Variants in SLC28A1 observed in about 807,000 individuals in gnomAD.
SLC28A1 encodes the protein solute carrier family 28 member 1.
In SLC28A1, 64 loss-of-function variants were observed where a neutral mutation model predicts 74.8. The ratio of observed to expected loss-of-function variants is 0.86; its 90% CI spans 0.70 to 1.05. The LOEUF is 1.05. Among genes scored for constraint, SLC28A1 ranks in the 50% least tolerant of loss-of-function variants. The probability of loss-of-function intolerance (pLI) is 0.00; values close to 1 mark genes in which losing one functional copy is unlikely to be tolerated. For synonymous variants in SLC28A1, 359 were observed against 335.0 expected, an observed-to-expected ratio of 1.07 and a Z score of -0.78; for missense variants, 828 against 822.8, an observed-to-expected ratio of 1.01 and a Z score of -0.08.
intron 3 of SLC28A1, among the ~76,000 whole-genome samples, chr15:84,888,215 T>G (rs944805978): frequency 1.3e-5 from 2 of 151,978 alleles, no homozygotes; most frequent in African/African-American, 4.8e-5. Flanking sequence ...TAAGGAAATC[T>G]CAGCCTTCAA....
In SLC28A1 at chr15:84,944,549, C is replaced by T. The variant is rs1163980840; in HGVS notation, c.1664-17C>T. The stretch of plus-strand genomic sequence containing the variant: ...GACACAGCTTCCCAGGCCCTGAGCA[C>T]TTCTGTCCCCTTGCAGCCTCCATGG... On this transcript the variant is annotated splice_polypyrimidine_tract_variant and intron_variant, in intron 16 of 18. Transcript: ENST00000394573. 6.3e-7 allele frequency: 1 copy of T among 1,588,888 alleles called. No homozygotes were observed. Among genetic ancestry groups the T allele is most frequent in the Non-Finnish European group, 8.6e-7 (1 of 1,157,504 alleles).
chr15:84,899,251 C>T (rs1318431458), intron 6 of SLC28A1, among the ~76,000 whole-genome samples: 4 of 151,958 alleles, frequency 2.6e-5, no homozygotes, highest in Non-Finnish European at 5.9e-5. Flanking sequence ...AAGACAAAAC[C>T]TGAAAAAATT....
chr15:84,901,904 T>G (rs982164146), intron 6 of SLC28A1, among the ~76,000 whole-genome samples: 1 of 152,242 alleles, frequency 6.6e-6, no homozygotes, highest in Non-Finnish European at 1.5e-5. Context: ...CACATGAAGT[T>G]TTGAATGTTC....
chr15:84,918,178 G>C (rs1969367915), intron 9 of SLC28A1, among the ~76,000 whole-genome samples: 1 of 152,070 alleles, frequency 6.6e-6, no homozygotes, highest in South Asian at 2.1e-4. Context: ...TCAGATGTGG[G>C]CATTTTACTC....
the SLC28A1 span, among the ~76,000 whole-genome samples, chr15:84,966,973 G>T: frequency 6.6e-6 from 1 of 151,738 alleles, no homozygotes; most frequent in Non-Finnish European, 1.5e-5. Context: ...GAGATGGGGG[G>T]TCTTGCTATG....
chr15:84,895,644 G>C (rs987199782), intron 6 of SLC28A1: 1 of 1,432,426 alleles, frequency 7.0e-7, no homozygotes, highest in African/African-American at 1.4e-5. Flanking sequence ...GGCAGGAGAG[G>C]GAGGTTGTGG....
In SLC28A1 at chr15:84,945,506, C is replaced by T. The variant is rs969414581; in HGVS notation, c.*306C>T. On this transcript the variant is annotated 3_prime_UTR_variant, in exon 19 of 19. Coordinates refer to ENST00000394573, the MANE Select transcript of SLC28A1 (RefSeq NM_004213.5). ...CACATCCAAACAGCACCCTGGTCCT[C>T]TCTATCCCCCCTCTCCTGGGGTCCC... 4.8e-6 allele frequency: 2 copies of T among 414,670 alleles called. No individual in the cohort carries two copies. Among genetic ancestry groups the T allele is most frequent in the South Asian group, 2.1e-5 (1 of 48,478 alleles). 25.7% of individuals were successfully genotyped at this position (414,670 alleles called of 1,614,324 possible).
At chr15:84,947,120 A>G (rs1249725273), downstream of SLC28A1, among the ~76,000 whole-genome samples, 2 of 152,194 alleles carry the variant, frequency 1.3e-5, no homozygotes, top group East Asian at 3.9e-4. Flanking sequence ...TGTGAGCCCC[A>G]CAGGCTGACC....
chr15:84,954,864 C>T, the SLC28A1 span, among the ~76,000 whole-genome samples: 1 of 152,154 alleles, frequency 6.6e-6, no homozygotes, highest in South Asian at 2.1e-4. Context: ...TATGTCCTCT[C>T]CCTGTTAATC....
chr15:84,933,649 C>T (rs28407787), intron 13 of SLC28A1, among the ~76,000 whole-genome samples: 136,034 of 152,040 alleles, frequency 0.89, 61,021 homozygotes, highest in East Asian at 0.96. Context: ...ACTGAGCATG[C>T]TAGCTCAGAT....
the SLC28A1 span, among the ~76,000 whole-genome samples, chr15:84,966,499 C>T: frequency 2.6e-5 from 4 of 152,134 alleles, no homozygotes; most frequent in African/African-American, 9.7e-5. Flanking sequence ...GCTATGTTGC[C>T]TAGGCTGGTC....
chr15:84,918,585 T>C lies in SLC28A1; in HGVS notation c.857T>C (p.Met286Thr). ...TCCGTTCTCTACCACGTGGGCCTCA[T>C]GCAGTGGGTGATCCTGAAGGTAAGT... ...VISVLYHVGL[M>T]QWVILKIAWL... is the part of the protein sequence containing the mutation. Residue 286 changes from methionine to threonine, a missense_variant, in exon 10 of 19, where the codon ATG becomes ACG. This residue lies in a region of SLC28A1 where 767 missense variants were observed against 753.5 expected (regional missense o/e 1.02). Transcript: ENST00000394573. The C allele has an allele frequency of 6.2e-7, 1 of 1,613,414 alleles. No homozygotes were observed. The highest frequency in any genetic ancestry group is 8.5e-7 in the Non-Finnish European group (1 of 1,179,400).
chr15:84,928,519 G>A (rs558270918), intron 12 of SLC28A1, among the ~76,000 whole-genome samples: 2 of 42,942 alleles, frequency 4.7e-5, no homozygotes, highest in East Asian at 1.9e-3. Flanking sequence ...AAGCTCCCAG[G>A]TTCGTTCGTT....
chr15:84,895,037 C>CCGCCTGCTGAAA lies in SLC28A1; in HGVS notation c.378_389dup (p.Lys129_Leu132dup). On this transcript the variant is annotated inframe_insertion, in exon 6 of 19. Transcript: ENST00000394573. The stretch of plus-strand genomic sequence containing the variant: ...GTGTGGTCCTCACCTTCCTGGGCCA[C>CCGCCTGCTGAAA]CGCCTGCTGAAACGGCTTCTGGGGC... The CCGCCTGCTGAAA allele has an allele frequency of 1.2e-6, 2 of 1,614,096 alleles. No individual in the cohort carries two copies.
At chr15:84,972,857 C>T in the SLC28A1 span, among the ~76,000 whole-genome samples, 3 of 152,226 alleles carry the variant, frequency 2.0e-5, no homozygotes, top group Admixed American at 6.5e-5. Flanking sequence ...TGTATACACA[C>T]ATTTGAAAAA....
chr15:84,950,444 C>G (rs1230317339), downstream of SLC28A1, among the ~76,000 whole-genome samples: 1 of 150,968 alleles, frequency 6.6e-6, no homozygotes, highest in African/African-American at 2.4e-5. Flanking sequence ...CATTTCTCAG[C>G]TAGGCGCGGT....
chr15:84,958,076 AAC>A, the SLC28A1 span, among the ~76,000 whole-genome samples: 1 of 152,218 alleles, frequency 6.6e-6, no homozygotes, highest in Non-Finnish European at 1.5e-5. Context: ...TTCTGAAGAA[AAC>A]AGAATTGTTT....
At chr15:84,926,802 A>G (rs912022511) in intron 12 of SLC28A1, among the ~76,000 whole-genome samples, 2,372 of 107,948 alleles carry the variant, frequency 0.022, no homozygotes, top group African/African-American at 0.025. Context: ...GGGTGGGGGG[A>G]GGGGGGGGGT....
At chr15:84,946,112 A>ATATATAT (rs57190791), downstream of SLC28A1, among the ~76,000 whole-genome samples, 12 of 13,476 alleles carry the variant, frequency 8.9e-4, 2 homozygotes, top group East Asian at 0.021. Flanking sequence ...ATATATATAT[A>ATATATAT]TTTTTTTTTT....
Sources: allele counts gnomAD v4.1 joint callset (sites outside exome capture counted in the v4.1 genomes callset), GRCh38; gene constraint gnomAD v4.1.1; regional missense constraint gnomAD v4.1.1; transcripts MANE v1.5; gene names NCBI Gene and HGNC (gene_info 2026-07-23, HGNC 2026-07-21).